Variants in PDE10A observed in about 807,000 individuals in gnomAD.
PDE10A encodes the protein phosphodiesterase 10A, also known as cAMP and cAMP-inhibited cGMP 3',5'-cyclic phosphodiesterase 10A.
PDE10A carries 39 observed loss-of-function variants against 97.7 expected under a neutral mutation model. That is an observed-to-expected ratio of 0.40 (90% CI 0.31 to 0.52). The LOEUF (loss-of-function observed/expected upper bound fraction) is 0.52. Among genes scored for constraint, PDE10A ranks in the 20% least tolerant of loss-of-function variants. The pLI, the probability that PDE10A is intolerant of heterozygous loss-of-function variation, is 0.56. For missense variants in PDE10A, 731 were observed against 1,047.8 expected (o/e 0.70, Z 4.17); for synonymous variants, 371 against 376.8 (o/e 0.98, Z 0.18).
At chr6:165,493,596 C>T (rs1780348633) in intron 2 of PDE10A, among the ~76,000 whole-genome samples, 1 of 152,090 alleles carries the variant, frequency 6.6e-6, no homozygotes, top group Non-Finnish European at 1.5e-5. Flanking sequence ...AAAGAACACC[C>T]TATTCAACAA....
At chr6:165,394,234 C>A (rs1053697334) in intron 15 of PDE10A, among the ~76,000 whole-genome samples, 2 of 152,090 alleles carry the variant, frequency 1.3e-5, no homozygotes, top group African/African-American at 4.8e-5. Context: ...CATCCCCCAA[C>A]AGGCCCCAGT....
intron 1 of PDE10A, among the ~76,000 whole-genome samples, chr6:165,806,650 C>CG (rs1229488059): frequency 3.5e-5 from 2 of 56,754 alleles, no homozygotes; most frequent in Non-Finnish European, 8.3e-5. Context: ...CTGCTGAGCG[C>CG]CCCCCCCCAG....
intron 1 of PDE10A, among the ~76,000 whole-genome samples, chr6:165,796,091 CTTTTTTTT>C (rs1168771487): frequency 9.2e-6 from 1 of 108,814 alleles, no homozygotes; most frequent in Non-Finnish European, 1.8e-5. Context: ...TTTTTCTTTT[CTTTTTTTT>C]TTTTTTTTTT....
At chr6:165,653,623 G>A (rs879253607) in intron 1 of PDE10A, among the ~76,000 whole-genome samples, 18 of 152,142 alleles carry the variant, frequency 1.2e-4, no homozygotes, top group African/African-American at 3.6e-4. Context: ...CCCACCACAC[G>A]TGTCTCTACC....
intron 2 of PDE10A, among the ~76,000 whole-genome samples, chr6:165,526,633 C>G (rs182066049): frequency 2.8e-4 from 42 of 152,180 alleles, no homozygotes; most frequent in Non-Finnish European, 4.9e-4. Context: ...AGAAGTCAGA[C>G]GGATCTTGGA....
At chr6:165,845,661 A>G (rs916164677) in intron 1 of PDE10A, among the ~76,000 whole-genome samples, 4 of 152,214 alleles carry the variant, frequency 2.6e-5, no homozygotes, top group African/African-American at 4.8e-5. Flanking sequence ...TGCTTGTGGG[A>G]CATTATTTAT....
chr6:165,464,757 T>C (rs1778536179), intron 3 of PDE10A, among the ~76,000 whole-genome samples: 1 of 152,218 alleles, frequency 6.6e-6, no homozygotes, highest in Non-Finnish European at 1.5e-5. Context: ...AATCATACAA[T>C]ATGTACTCTT....
intron 6 of PDE10A, 93 bp from the exon 7 acceptor site, chr6:165,433,222 A>AC (rs1789728911): frequency 1.1e-6 from 1 of 896,088 alleles, no homozygotes; most frequent in Non-Finnish European, 1.7e-6. Flanking sequence ...TGATACTTGT[A>AC]ATCAATAATA....
At chr6:165,932,852 A>G (rs2128491002) in intron 1 of PDE10A, among the ~76,000 whole-genome samples, 1 of 152,334 alleles carries the variant, frequency 6.6e-6, no homozygotes, top group African/African-American at 2.4e-5. Context: ...TTGGTGCAAG[A>G]GCTGGTGGAT....
chr6:165,859,849 C>T (rs1341597742), intron 1 of PDE10A, among the ~76,000 whole-genome samples: 1 of 152,034 alleles, frequency 6.6e-6, no homozygotes, highest in Non-Finnish European at 1.5e-5. Context: ...TGATGGAATA[C>T]TACTCAGCCA....
intron 1 of PDE10A, among the ~76,000 whole-genome samples, chr6:165,929,445 A>C (rs949834130): frequency 6.6e-6 from 1 of 152,206 alleles, no homozygotes; most frequent in African/African-American, 2.4e-5. Flanking sequence ...ATGTGATGGA[A>C]TAATACAACA....
intron 1 of PDE10A, among the ~76,000 whole-genome samples, chr6:165,772,891 T>C (rs1455753966): frequency 6.6e-6 from 1 of 152,240 alleles, no homozygotes; most frequent in South Asian, 2.1e-4. Flanking sequence ...CAGAGACTCC[T>C]GGCTGGGCAT....
chr6:165,923,262 T>C (rs909436348), intron 1 of PDE10A, among the ~76,000 whole-genome samples: 2 of 152,224 alleles, frequency 1.3e-5, no homozygotes, highest in Non-Finnish European at 2.9e-5. Context: ...CTGACCAATG[T>C]TAAGCATAAT....
chr6:165,673,684 T>C (rs1790711349), intron 1 of PDE10A, among the ~76,000 whole-genome samples: 1 of 152,274 alleles, frequency 6.6e-6, no homozygotes, highest in Non-Finnish European at 1.5e-5. Context: ...ATCATGTGTA[T>C]TCAGCTCCTT....
chr6:165,467,730 T>G lies in PDE10A; in HGVS notation c.1023+14585A>C, dbSNP rs150230466. 3.2e-3 allele frequency among the ~76,000 whole-genome samples: 488 copies of G among 152,300 alleles called. 3 individuals are homozygous for G. The highest frequency in any genetic ancestry group is 0.011 in the African/African-American group (445 of 41,564). On this transcript the variant is annotated intron_variant, in intron 3 of 21. Transcript: ENST00000539869. ...TAGTGAAGATGCTATGAACATTTGT[T>G]GACATGATGACAAAGGATTTAGAAT...
At chr6:165,866,834 C>A (rs1781069063) in intron 1 of PDE10A, among the ~76,000 whole-genome samples, 1 of 150,934 alleles carries the variant, frequency 6.6e-6, no homozygotes, top group South Asian at 2.1e-4. Context: ...GAATGCTATA[C>A]CCACCAAAGC....
intron 1 of PDE10A, among the ~76,000 whole-genome samples, chr6:165,870,807 T>C (rs1005753391): frequency 6.6e-6 from 1 of 152,148 alleles, no homozygotes; most frequent in Non-Finnish European, 1.5e-5. Flanking sequence ...TGTAGCAACA[T>C]AGATGGAATG....
chr6:165,679,541 G>A (rs1289211656), intron 1 of PDE10A, among the ~76,000 whole-genome samples: 4 of 152,184 alleles, frequency 2.6e-5, no homozygotes, highest in Admixed American at 6.5e-5. Context: ...GAGAGGCTGC[G>A]GTCAGGCGTG....
chr6:165,931,311 A>G (rs1783126387), intron 1 of PDE10A, among the ~76,000 whole-genome samples: 1 of 152,270 alleles, frequency 6.6e-6, no homozygotes. Context: ...TCTGTTCACA[A>G]GAATAGATAC....
Sources: gnomAD v4.1 joint callset for allele counts (sites outside exome capture counted in the v4.1 genomes callset) on GRCh38, gnomAD v4.1.1 for gene constraint, MANE v1.5 for transcripts, NCBI Gene and HGNC (gene_info 2026-07-23, HGNC 2026-07-21) for gene names.